The following PCDHA13 variants were observed in gnomAD, a reference collection of about 807,000 sequenced individuals.
PCDHA13 encodes protocadherin alpha 13.
In PCDHA13, 54 loss-of-function variants were observed where a neutral mutation model predicts 64.8. The ratio of observed to expected loss-of-function variants is 0.83; its 90% CI spans 0.67 to 1.04. The LOEUF (loss-of-function observed/expected upper bound fraction) is 1.04, where lower values mean the gene tolerates loss of function less well. Ranked by LOEUF, PCDHA13 falls within the 50% of genes least tolerant of loss-of-function variation. The pLI, the probability that PCDHA13 is intolerant of heterozygous loss-of-function variation, is 0.00. For missense variants in PCDHA13, 1,248 were observed against 1,254.3 expected (o/e 0.99, Z 0.08); for synonymous variants, 587 against 564.4 (o/e 1.04, Z -0.57).
At chr5:140,898,507 C>T (rs538521734) in intron 1 of PCDHA13, among the ~76,000 whole-genome samples, 23 of 152,140 alleles carry the variant, frequency 1.5e-4, no homozygotes, top group African/African-American at 5.1e-4. Context: ...TGTAGATATG[C>T]GGCGTTATTT....
At chr5:140,954,592 T>G (rs1250050362) in intron 1 of PCDHA13, among the ~76,000 whole-genome samples, 13 of 152,236 alleles carry the variant, frequency 8.5e-5, no homozygotes, top group Non-Finnish European at 5.9e-5. Flanking sequence ...TCTGTTCATG[T>G]TCTTTGCCCA....
chr5:140,935,561 T>C (rs1184981109), intron 1 of PCDHA13, among the ~76,000 whole-genome samples: 3 of 152,218 alleles, frequency 2.0e-5, no homozygotes, highest in African/African-American at 7.2e-5. Context: ...TTGGAAAAGT[T>C]CCTCTCTGTG....
At chr5:140,890,886 A>G (rs1332125590) in intron 1 of PCDHA13, among the ~76,000 whole-genome samples, 3 of 151,952 alleles carry the variant, frequency 2.0e-5, no homozygotes, top group Admixed American at 1.3e-4. Flanking sequence ...TTCATCAGGG[A>G]TTATTGTCTT....
At chr5:140,930,918 T>G (rs1554208161) in intron 1 of PCDHA13, among the ~76,000 whole-genome samples, 1 of 152,180 alleles carries the variant, frequency 6.6e-6, no homozygotes, top group East Asian at 1.9e-4. Context: ...ACTTTAGATG[T>G]GTATATGTGG....
chr5:140,923,297 G>C (rs1554201355), intron 1 of PCDHA13, among the ~76,000 whole-genome samples: 1 of 152,186 alleles, frequency 6.6e-6, no homozygotes, highest in African/African-American at 2.4e-5. Flanking sequence ...AATTAGCTGG[G>C]CGTGGGGGCG....
chr5:141,005,287 A>AT (rs1405339052), intron 3 of PCDHA13, among the ~76,000 whole-genome samples: 5 of 152,162 alleles, frequency 3.3e-5, no homozygotes, highest in Admixed American at 1.3e-4. Context: ...AAACAGATAC[A>AT]TTTTTTGCCT....
intron 1 of PCDHA13, chr5:140,967,899 C>G: frequency 6.2e-7 from 1 of 1,614,180 alleles, no homozygotes; most frequent in African/African-American, 1.3e-5. Flanking sequence ...CCTGAGAATG[C>G]TACACCCAAC....
Position 140,884,276 on chromosome 5 carries a change from G to C in PCDHA13, c.2008G>C (p.Val670Leu). The C allele has an allele frequency of 6.8e-6, 11 of 1,613,638 alleles. No individual in the cohort carries two copies. The highest frequency in any genetic ancestry group is 9.3e-6 in the Non-Finnish European group (11 of 1,179,806). Residue 670 changes from valine (V) to leucine (L), a missense_variant, in exon 1 of 4, where the codon GTG (valine) becomes CTG (leucine). Transcript: ENST00000289272. ...CACGGCAACGGTGCTGTTGTCGCTG[G>C]TGGAGAGCGGCCAAGCGCCACAGGC... Reference protein sequence around the residue: ...TATATVLLSLVESGQAPQASS... With the variant: ...TATATVLLSLLESGQAPQASS...
chr5:140,883,787 T>C lies in PCDHA13; in HGVS notation c.1519T>C (p.Tyr507His), dbSNP rs2059820580. The C allele has an allele frequency of 1.2e-6, 2 of 1,612,408 alleles. No individual in the cohort carries two copies. The highest frequency in any genetic ancestry group is 1.7e-6 in the Non-Finnish European group (2 of 1,179,726). Reference sequence around the variant, plus strand: ...GGTGGGCGAGCGTGCGCTGTCGAGCTACGTGTCGGTGCACGCGGAGAGCGG... The same window carrying C: ...GGTGGGCGAGCGTGCGCTGTCGAGCCACGTGTCGGTGCACGCGGAGAGCGG... ...RRVGERALSS[Y>H]VSVHAESGKV... The change falls in exon 1 of 4, where the codon TAC becomes CAC. Residue 507 changes from tyrosine to histidine, a missense_variant. Tyr to His is a moderately conservative substitution (Grantham distance 83). Transcript: ENST00000289272.
chr5:140,926,726 C>T, intron 1 of PCDHA13: 1 of 1,046,502 alleles, frequency 9.6e-7, no homozygotes, highest in Non-Finnish European at 1.3e-6. Flanking sequence ...GCAATGCCGG[C>T]GTTCGGGAGG....
intron 1 of PCDHA13, chr5:140,968,380 C>T: frequency 6.2e-7 from 1 of 1,614,072 alleles, no homozygotes; most frequent in Non-Finnish European, 8.5e-7. Context: ...ACTCCTTTGA[C>T]TATGAGAAGT....
chr5:140,958,468 G>T (rs1554223482), intron 1 of PCDHA13, among the ~76,000 whole-genome samples: 6 of 152,040 alleles, frequency 3.9e-5, no homozygotes, highest in Non-Finnish European at 8.8e-5. Flanking sequence ...ACTTCTGCTG[G>T]CTTAAAGAGC....
intron 1 of PCDHA13, among the ~76,000 whole-genome samples, chr5:140,947,528 T>C (rs1175792550): frequency 6.6e-6 from 1 of 151,692 alleles, no homozygotes; most frequent in African/African-American, 2.4e-5. Context: ...GAATCAACTT[T>C]TCAATTTCTA....
intron 1 of PCDHA13, among the ~76,000 whole-genome samples, chr5:140,892,088 C>T (rs782787174): frequency 1.3e-5 from 2 of 152,122 alleles, no homozygotes; most frequent in Non-Finnish European, 2.9e-5. Flanking sequence ...AGTTTCCTCT[C>T]GAAACTTTCA....
intron 3 of PCDHA13, among the ~76,000 whole-genome samples, chr5:140,999,046 T>C (rs2097844534): frequency 6.6e-6 from 1 of 152,228 alleles, no homozygotes; most frequent in South Asian, 2.1e-4. Flanking sequence ...CAGTGTGCTT[T>C]CCACCATGCC....
At chr5:140,978,881 A>G in intron 1 of PCDHA13, 68 bp from the exon 2 acceptor site, 1 of 1,610,922 alleles carries the variant, frequency 6.2e-7, no homozygotes, top group Non-Finnish European at 8.5e-7. Flanking sequence ...TAACTAATCA[A>G]TTAGCAGCAT....
intron 1 of PCDHA13, among the ~76,000 whole-genome samples, chr5:140,955,351 A>G (rs246019): frequency 0.56 from 85,599 of 151,868 alleles, 24,746 homozygotes; most frequent in African/African-American, 0.69. Flanking sequence ...ACATGTTGTG[A>G]GAGGGACCCA....
intron 3 of PCDHA13, among the ~76,000 whole-genome samples, chr5:141,000,395 CTATATA>C (rs1190667031): frequency 5.7e-4 from 31 of 53,962 alleles, no homozygotes; most frequent in Admixed American, 2.5e-3. Flanking sequence ...CTCTCTCTCT[CTATATA>C]TATATATATA....
At chr5:140,888,048 A>G (rs534072281) in intron 1 of PCDHA13, among the ~76,000 whole-genome samples, 40 of 152,296 alleles carry the variant, frequency 2.6e-4, no homozygotes, top group African/African-American at 9.4e-4. Context: ...TGTATAATAG[A>G]TGTTTTAACT....
Sources: allele counts gnomAD v4.1 joint callset (sites outside exome capture counted in the v4.1 genomes callset), GRCh38; gene constraint gnomAD v4.1.1; transcripts MANE v1.5; gene names NCBI Gene and HGNC (gene_info 2026-07-23, HGNC 2026-07-21).